Variants in GLRA2 observed in about 807,000 individuals in gnomAD.
GLRA2 encodes glycine receptor subunit alpha-2.
Under a neutral mutation model 31.6 loss-of-function variants are expected in GLRA2, and 11 were observed. That is an observed-to-expected ratio of 0.35 (90% confidence interval 0.22 to 0.58). The LOEUF is 0.58. Ranked by LOEUF, GLRA2 falls within the 20% of genes least tolerant of loss-of-function variation. GLRA2 has a pLI of 0.84. For missense variants in GLRA2, 212 were observed against 351.8 expected (o/e 0.60, Z 3.18); for synonymous variants, 132 against 134.0 (o/e 0.99, Z 0.10).
intron 7 of GLRA2, among the ~76,000 whole-genome samples, chrX:14,689,539 TG>T (rs1368123405): frequency 8.9e-6 from 1 of 112,192 alleles, no homozygotes; most frequent in Non-Finnish European, 1.9e-5. Flanking sequence ...ATTCCAATCT[TG>T]ACTCTGTCAT....
the GLRA2 span, among the ~76,000 whole-genome samples, chrX:14,499,457 C>CT: frequency 1.8e-5 from 2 of 110,686 alleles, no homozygotes; most frequent in Non-Finnish European, 3.8e-5. Context: ...TGGAATCAAC[C>CT]TAGGTATCCA....
At position 14,557,240 on chromosome X, in the gene GLRA2, C is replaced by A. The variant is rs768471697; in HGVS notation, c.203-17093C>A. Among the ~76,000 whole-genome samples the A allele has an allele frequency of 1.1e-4, 12 of 104,717 alleles. No homozygotes were observed. The East Asian group carries it at 2.1e-3, about 18-fold the overall frequency. 90.9% of individuals were successfully genotyped at this position (104,717 alleles called of 115,157 possible). Reference sequence around the variant, plus strand: ...ACGCCATTCTCCTGCCTCAGCCTCCCGAGTAGCTGGGACTACAGGCGCCCA... The same window carrying A: ...ACGCCATTCTCCTGCCTCAGCCTCCAGAGTAGCTGGGACTACAGGCGCCCA... On this transcript the variant is annotated intron_variant, in intron 2 of 8. Transcript: ENST00000218075.
At chrX:14,469,729 A>C in the GLRA2 span, among the ~76,000 whole-genome samples, 3 of 101,999 alleles carry the variant, frequency 2.9e-5, no homozygotes, top group African/African-American at 1.1e-4. Flanking sequence ...TAGCTTTAGG[A>C]GATATACCTA....
At chrX:14,664,916 A>G (rs1379134824) in intron 7 of GLRA2, among the ~76,000 whole-genome samples, 1 of 111,814 alleles carries the variant, frequency 8.9e-6, no homozygotes, top group African/African-American at 3.3e-5. Context: ...TATAATTCTC[A>G]GTCAGACACT....
intron 2 of GLRA2, among the ~76,000 whole-genome samples, chrX:14,549,070 C>T (rs1050226446): frequency 1.8e-5 from 2 of 111,734 alleles, no homozygotes; most frequent in East Asian, 2.8e-4. Context: ...GCCCGTGGTA[C>T]AGGAGAACTC....
Position 14,730,470 on chromosome X carries a change from T to G in GLRA2, c.1344T>G (p.Asp448Glu). 1.7e-6 allele frequency: 2 copies of G among 1,205,649 alleles called. No homozygotes were observed. The highest frequency in any genetic ancestry group is 1.1e-6 in the Non-Finnish European group (1 of 890,736). ...CATACAAGATCATTCGGCATGAAGA[T>G]GTCCACAAGAAATAGATGTGCCCTA... ...WITYKIIRHE[D>E]VHKK The change falls in exon 9 of 9, where the codon GAT (aspartate) becomes GAG (glutamate). Residue 448 changes from aspartate (D) to glutamate (E), a missense_variant. By Grantham distance (45) the Asp-to-Glu change is conservative. This residue lies in a region of GLRA2 where 42 missense variants were observed against 52.0 expected (regional missense o/e 0.81). Transcript: ENST00000218075.
the GLRA2 span, among the ~76,000 whole-genome samples, chrX:14,456,687 T>A: frequency 8.9e-6 from 1 of 112,647 alleles, no homozygotes; most frequent in Non-Finnish European, 1.9e-5. Context: ...AATGACAAGA[T>A]CTCATTATTT....
intron 8 of GLRA2, among the ~76,000 whole-genome samples, chrX:14,724,088 GTTTA>G (rs2091898071): frequency 9.0e-6 from 1 of 111,167 alleles, no homozygotes; most frequent in Admixed American, 9.6e-5. Context: ...TACCTTAACT[GTTTA>G]TTTTTTTCCA....
At chrX:14,531,246 A>T (rs780652785) in intron 1 of GLRA2, 20 of 538,059 alleles carry the variant, frequency 3.7e-5, no homozygotes, top group Non-Finnish European at 5.5e-5. Flanking sequence ...CTTTGCACTT[A>T]TTTTGAATAC....
intron 4 of GLRA2, among the ~76,000 whole-genome samples, chrX:14,593,712 TA>T (rs75045286): frequency 0.41 from 45,635 of 111,779 alleles, 8,169 homozygotes; most frequent in African/African-American, 0.71. Flanking sequence ...ATGAATGTCT[TA>T]ATTATCCCTG....
intron 2 of GLRA2, among the ~76,000 whole-genome samples, chrX:14,568,580 C>T (rs1249209434): frequency 9.1e-6 from 1 of 109,644 alleles, no homozygotes; most frequent in Non-Finnish European, 1.9e-5. Flanking sequence ...GTAATCCCAG[C>T]TACTCGGGGG....
At chrX:14,477,835 A>G in the GLRA2 span, among the ~76,000 whole-genome samples, 1 of 110,574 alleles carries the variant, frequency 9.0e-6, no homozygotes, top group African/African-American at 3.3e-5. Flanking sequence ...TCCCACCCCA[A>G]TAGTAAGAGG....
intron 8 of GLRA2, among the ~76,000 whole-genome samples, chrX:14,697,114 G>A (rs994165141): frequency 3.6e-5 from 4 of 110,374 alleles, no homozygotes; most frequent in African/African-American, 1.3e-4. Context: ...GATAACAAGA[G>A]CTAACATTTA....
chrX:14,645,822 T>C (rs1222362453), intron 7 of GLRA2, among the ~76,000 whole-genome samples: 5 of 112,082 alleles, frequency 4.5e-5, no homozygotes, highest in African/African-American at 9.7e-5. Flanking sequence ...TTTGTTTGCC[T>C]ATTCCCATGC....
chrX:14,681,132 G>T lies in GLRA2; in HGVS notation c.931-9578G>T, dbSNP rs187873227. Among the ~76,000 whole-genome samples the T allele has an allele frequency of 4.4e-4, 49 of 112,285 alleles. 1 individual carries two copies. In the East Asian group the frequency reaches 0.014, roughly 31 times the overall value. On this transcript the variant is annotated intron_variant, in intron 7 of 8. Transcript: ENST00000218075. ...GGGTTTGTTACATATGTATACATGT[G>T]CCATGTTGGTGTTCCAGAAGAGCAA... is the stretch of plus-strand genomic sequence containing the variant.
chrX:14,715,583 T>G (rs1161551707), intron 8 of GLRA2, among the ~76,000 whole-genome samples: 5 of 110,948 alleles, frequency 4.5e-5, no homozygotes, highest in African/African-American at 1.6e-4. Context: ...CTACAGGAGG[T>G]AAGGAGGAAC....
At chrX:14,719,433 C>T in intron 8 of GLRA2, among the ~76,000 whole-genome samples, 1 of 111,813 alleles carries the variant, frequency 8.9e-6, no homozygotes, top group East Asian at 2.8e-4. Flanking sequence ...ATACAAATGA[C>T]CAACAGGTAT....
intron 2 of GLRA2, among the ~76,000 whole-genome samples, chrX:14,553,882 T>C (rs1453103322): frequency 8.9e-6 from 1 of 111,839 alleles, no homozygotes; most frequent in African/African-American, 3.2e-5. Flanking sequence ...CAGAAAATAA[T>C]GGACTTATTA....
At chrX:14,610,258 G>A (rs1439622867) in intron 7 of GLRA2, among the ~76,000 whole-genome samples, 1 of 111,977 alleles carries the variant, frequency 8.9e-6, no homozygotes, top group Non-Finnish European at 1.9e-5. Context: ...GTTAGATCAT[G>A]TTCCACATTA....
Sources: gnomAD v4.1 joint callset for allele counts (sites outside exome capture counted in the v4.1 genomes callset) on GRCh38, gnomAD v4.1.1 for gene constraint, gnomAD v4.1.1 regional missense constraint, MANE v1.5 for transcripts, NCBI Gene and HGNC (gene_info 2026-07-23, HGNC 2026-07-21) for gene names.